Variants in NALF1 observed in about 807,000 individuals in gnomAD.
NALF1 encodes the protein NALCN channel auxiliary factor 1, also known as family with sequence similarity 155 member A.
NALF1 carries 3 observed loss-of-function variants against 48.4 expected under a neutral mutation model. The observed-to-expected ratio is 0.06, with a 90% CI of 0.03 to 0.16. The LOEUF (loss-of-function observed/expected upper bound fraction) is 0.16. NALF1 is among the 10% of genes least tolerant of loss of function. NALF1 has a pLI of 1.00. For synonymous variants in NALF1, 262 were observed against 245.7 expected (o/e 1.07, Z -0.62); for missense variants, 526 against 571.5 (o/e 0.92, Z 0.81).
intron 1 of NALF1, among the ~76,000 whole-genome samples, chr13:107,642,507 T>C (rs189982796): frequency 1.1e-4 from 16 of 152,326 alleles, no homozygotes; most frequent in Admixed American, 1.0e-3. Context: ...TGAGCTGAAA[T>C]GGTCTATTTT....
At chr13:107,279,043 C>CTTTTTTTTTTTTTTTTTTTTTTTTTTTTT (rs200133690) in intron 1 of NALF1, among the ~76,000 whole-genome samples, 1 of 122,940 alleles carries the variant, frequency 8.1e-6, no homozygotes, top group Admixed American at 8.9e-5. Context: ...TTCTTTTCTT[C>CTTTTTTTTTTTTTTTTTTTTTTTTTTTTT]TTTTTTTTTT....
chr13:107,344,177 G>A (rs1330539644), intron 1 of NALF1, among the ~76,000 whole-genome samples: 1 of 152,040 alleles, frequency 6.6e-6, no homozygotes, highest in Admixed American at 6.6e-5. Context: ...TAACTATTAA[G>A]AAAATTGAAT....
intron 1 of NALF1, among the ~76,000 whole-genome samples, chr13:107,385,694 A>C (rs777903898): frequency 2.6e-5 from 4 of 152,238 alleles, no homozygotes; most frequent in Non-Finnish European, 5.9e-5. Flanking sequence ...CGGCTATTTG[A>C]AGAACAAGAT....
intron 1 of NALF1, among the ~76,000 whole-genome samples, chr13:107,693,037 T>C (rs1159771808): frequency 6.6e-6 from 1 of 152,164 alleles, no homozygotes; most frequent in Non-Finnish European, 1.5e-5. Context: ...CTGGGTCAAA[T>C]GGTATTTCTA....
At chr13:107,753,521 G>A (rs1002031843) in intron 1 of NALF1, among the ~76,000 whole-genome samples, 1 of 150,692 alleles carries the variant, frequency 6.6e-6, no homozygotes, top group Non-Finnish European at 1.5e-5. Context: ...ATCTTCAAGG[G>A]ATGATGACGA....
chr13:107,204,740 C>T (rs1195469390), intron 2 of NALF1, among the ~76,000 whole-genome samples: 1 of 151,868 alleles, frequency 6.6e-6, no homozygotes, highest in Non-Finnish European at 1.5e-5. Context: ...CTGGGCATAC[C>T]ATCTCCCTTC....
intron 1 of NALF1, among the ~76,000 whole-genome samples, chr13:107,298,255 C>A (rs1372103974): frequency 7.2e-6 from 1 of 139,740 alleles, no homozygotes; most frequent in Non-Finnish European, 1.5e-5. Context: ...GAGGCTGAGG[C>A]AGGAGAATGG....
chr13:107,438,607 T>C (rs1038863480), intron 1 of NALF1, among the ~76,000 whole-genome samples: 4 of 151,594 alleles, frequency 2.6e-5, no homozygotes, highest in African/African-American at 7.3e-5. Flanking sequence ...ATCAAGACCA[T>C]CCTGGCTAAC....
intron 1 of NALF1, among the ~76,000 whole-genome samples, chr13:107,807,297 T>G (rs922460753): frequency 1.3e-5 from 2 of 152,186 alleles, no homozygotes; most frequent in African/African-American, 4.8e-5. Context: ...AAATATACTG[T>G]CATGCATTTT....
chr13:107,513,918 G>A (rs1415734492), intron 1 of NALF1, among the ~76,000 whole-genome samples: 1 of 152,138 alleles, frequency 6.6e-6, no homozygotes, highest in East Asian at 1.9e-4. Context: ...TCCTTACCAG[G>A]GAGAACAAAG....
intron 1 of NALF1, among the ~76,000 whole-genome samples, chr13:107,698,119 C>T (rs1051948512): frequency 6.6e-6 from 1 of 152,108 alleles, no homozygotes; most frequent in Admixed American, 6.6e-5. Context: ...ATTCTTTTTA[C>T]TGATAGCAAT....
chr13:107,474,587 CAGAG>C (rs779090341), intron 1 of NALF1, among the ~76,000 whole-genome samples: 2 of 151,806 alleles, frequency 1.3e-5, no homozygotes, highest in Non-Finnish European at 2.9e-5. Context: ...TACATACATA[CAGAG>C]AGAGAGAGAA....
chr13:107,359,421 C>T (rs1883022323), intron 1 of NALF1, among the ~76,000 whole-genome samples: 1 of 151,980 alleles, frequency 6.6e-6, no homozygotes, highest in South Asian at 2.1e-4. Context: ...ATATTTATAA[C>T]TGAAGTGTTA....
chr13:107,652,715 G>A (rs1418594215), intron 1 of NALF1, among the ~76,000 whole-genome samples: 4 of 152,074 alleles, frequency 2.6e-5, no homozygotes, highest in African/African-American at 4.8e-5. Flanking sequence ...GGCATTGTTC[G>A]GATATAGGCA....
chr13:107,445,516 T>C (rs1038012502), intron 1 of NALF1, among the ~76,000 whole-genome samples: 4 of 152,218 alleles, frequency 2.6e-5, no homozygotes, highest in Non-Finnish European at 5.9e-5. Context: ...AATAGAGCTA[T>C]TAAAACCATG....
intron 1 of NALF1, among the ~76,000 whole-genome samples, chr13:107,791,990 G>C (rs1451978031): frequency 6.6e-6 from 1 of 152,052 alleles, no homozygotes; most frequent in African/African-American, 2.4e-5. Context: ...CTACAAATTT[G>C]CTATGTTTTA....
chr13:107,298,647 G>T (rs1484457449), intron 1 of NALF1, among the ~76,000 whole-genome samples: 1 of 151,914 alleles, frequency 6.6e-6, no homozygotes, highest in East Asian at 2.0e-4. Flanking sequence ...GGTCAGGCTT[G>T]TCTCGAACTC....
intron 1 of NALF1, among the ~76,000 whole-genome samples, chr13:107,841,950 T>C (rs1392929310): frequency 6.6e-6 from 1 of 152,060 alleles, no homozygotes; most frequent in Non-Finnish European, 1.5e-5. Context: ...AAAATATTAA[T>C]GAGTAGCCAC....
intron 1 of NALF1, among the ~76,000 whole-genome samples, chr13:107,785,708 A>T (rs1878051526): frequency 6.6e-6 from 1 of 152,170 alleles, no homozygotes; most frequent in African/African-American, 2.4e-5. Context: ...TAAAAAAGAG[A>T]TTGCTCCAGT....
Sources: allele counts gnomAD v4.1 joint callset (sites outside exome capture counted in the v4.1 genomes callset), GRCh38; gene constraint gnomAD v4.1.1; transcripts MANE v1.5; gene names NCBI Gene and HGNC (gene_info 2026-07-23, HGNC 2026-07-21).